The following SIPA1L1 variants were observed in gnomAD, a reference collection of about 807,000 sequenced individuals.
The protein encoded by SIPA1L1 is signal induced proliferation associated 1 like 1, also known as signal-induced proliferation-associated 1-like protein 1.
A neutral mutation model predicts 162.7 loss-of-function variants in SIPA1L1; 26 were observed. The observed-to-expected ratio is 0.16, with a 90% confidence interval of 0.12 to 0.22. The LOEUF (loss-of-function observed/expected upper bound fraction) is 0.22, where lower values mean the gene tolerates loss of function less well. Among genes scored for constraint, SIPA1L1 ranks in the 10% least tolerant of loss-of-function variants. The pLI is 1.00. For missense variants in SIPA1L1, 1,874 were observed against 2,241.0 expected (o/e 0.84, Z 3.31); for synonymous variants, 829 against 837.4 (o/e 0.99, Z 0.17).
chr14:71,399,335 G>A lies in SIPA1L1; in HGVS notation c.-465+78154G>A, dbSNP rs184149768. 1.6e-3 allele frequency among the ~76,000 whole-genome samples: 244 copies of A among 152,332 alleles called. 1 individual carries two copies. Among genetic ancestry groups the A allele is most frequent in the Non-Finnish European group, 2.8e-3 (191 of 68,034 alleles). ...TTTCCACGTAGTGTCTTTTGCCTAT[G>A]TAGTCAAAAGCACCATACAAATGTG... On this transcript the variant is annotated intron_variant, in intron 2 of 23. Coordinates refer to ENST00000381232, the MANE Select transcript of SIPA1L1 (RefSeq NM_001386936.1).
intron 13 of SIPA1L1, among the ~76,000 whole-genome samples, chr14:71,696,602 A>G (rs968457225): frequency 1.3e-5 from 2 of 152,226 alleles, no homozygotes; most frequent in Non-Finnish European, 2.9e-5. Context: ...TGACATAACT[A>G]TGGTACTTGT....
intron 10 of SIPA1L1, among the ~76,000 whole-genome samples, chr14:71,669,662 T>C (rs1321709529): frequency 6.6e-6 from 1 of 152,156 alleles, no homozygotes; most frequent in Non-Finnish European, 1.5e-5. Context: ...CTAATACATA[T>C]TGGTATAATT....
chr14:71,737,403 CT>C (rs1270909664), intron 22 of SIPA1L1, among the ~76,000 whole-genome samples: 1 of 152,118 alleles, frequency 6.6e-6, no homozygotes, highest in Non-Finnish European at 1.5e-5. Flanking sequence ...TGGTGTGCCC[CT>C]GAGGATGTAT....
At chr14:71,731,478 G>T (rs1487475888) in intron 20 of SIPA1L1, among the ~76,000 whole-genome samples, 1 of 152,206 alleles carries the variant, frequency 6.6e-6, no homozygotes, top group Non-Finnish European at 1.5e-5. Flanking sequence ...TTCTGGTAGT[G>T]ACCTCCTGCC....
chr14:71,537,321 C>T (rs1368168542), intron 4 of SIPA1L1, among the ~76,000 whole-genome samples: 1 of 152,172 alleles, frequency 6.6e-6, no homozygotes. Flanking sequence ...CCACCTCCAC[C>T]TCTCAAGTAG....
chr14:71,701,288 C>T (rs752013511), intron 14 of SIPA1L1, among the ~76,000 whole-genome samples: 235 of 152,144 alleles, frequency 1.5e-3, no homozygotes, highest in Admixed American at 2.9e-3. Context: ...AAGAAGACAC[C>T]CCACAAGCAT....
At chr14:71,491,183 T>C (rs1475769190) in intron 2 of SIPA1L1, among the ~76,000 whole-genome samples, 1 of 152,208 alleles carries the variant, frequency 6.6e-6, no homozygotes, top group Admixed American at 6.5e-5. Flanking sequence ...TTCAAGAGTC[T>C]CTTTAATTTC....
rs1249032748 is a variant in SIPA1L1 at position 71,427,959 on chromosome 14, A to G, written c.-464-84784A>G. On this transcript the variant is annotated intron_variant, in intron 2 of 23. Coordinates refer to ENST00000381232, the MANE Select transcript of SIPA1L1 (RefSeq NM_001386936.1). ...TATTTTCCTGTTTGTGTTTCTTGTGATTTTGTTGTTGTTGTTGAAAACTGG... is the reference window on the plus strand; with the variant it reads ...TATTTTCCTGTTTGTGTTTCTTGTGGTTTTGTTGTTGTTGTTGAAAACTGG... 8.0e-5 allele frequency among the ~76,000 whole-genome samples: 12 copies of G among 150,430 alleles called. No individual in the cohort carries two copies. The East Asian group carries it at 2.3e-3, about 29-fold the overall frequency.
At chr14:71,606,929 A>C (rs1487039759) in intron 5 of SIPA1L1, among the ~76,000 whole-genome samples, 1 of 151,750 alleles carries the variant, frequency 6.6e-6, no homozygotes, top group Non-Finnish European at 1.5e-5. Context: ...CAGAAGAAAA[A>C]AATAAAAACA....
chr14:71,325,812 G>A lies in SIPA1L1; in HGVS notation c.-465+4631G>A, dbSNP rs7160988. Among the ~76,000 whole-genome samples the A allele has an allele frequency of 8.8e-3, 1,344 of 152,226 alleles. 23 individuals are homozygous for A. The highest frequency in any genetic ancestry group is 0.031 in the African/African-American group (1,304 of 41,540). Reference sequence around the variant, plus strand: ...TTTCCAATTTGTTGCTTGTCATGTTGCACTAAGTTCTCCCTCTAATTAGGA... The same window carrying A: ...TTTCCAATTTGTTGCTTGTCATGTTACACTAAGTTCTCCCTCTAATTAGGA... On this transcript the variant is annotated intron_variant, in intron 2 of 23. Transcript: ENST00000381232.
chr14:71,603,526 ATGGC>A (rs1460421619), intron 5 of SIPA1L1, among the ~76,000 whole-genome samples: 24 of 152,038 alleles, frequency 1.6e-4, no homozygotes, highest in Non-Finnish European at 3.5e-4. Flanking sequence ...TGGTGTGATC[ATGGC>A]CTACTGCAGC....
rs552727128 is a variant in SIPA1L1 at position 71,424,214 on chromosome 14, C to T, written c.-464-88529C>T. On this transcript the variant is annotated intron_variant, in intron 2 of 23. Transcript: ENST00000381232. ...GTTTTCCACATGTAAGATTATATCACCTGTGGACAGAAGTAATTTTACTTC... is the reference window on the plus strand; with the variant it reads ...GTTTTCCACATGTAAGATTATATCATCTGTGGACAGAAGTAATTTTACTTC... Among the ~76,000 whole-genome samples the T allele has an allele frequency of 2.8e-4, 43 of 152,118 alleles. 1 individual carries two copies. Among genetic ancestry groups the T allele is most frequent in the Non-Finnish European group, 4.6e-4 (31 of 67,924 alleles).
chr14:71,663,936 G>C (rs1364207505), intron 10 of SIPA1L1, among the ~76,000 whole-genome samples: 1 of 152,180 alleles, frequency 6.6e-6, no homozygotes, highest in Non-Finnish European at 1.5e-5. Context: ...GAAATCACAA[G>C]AGATTATAGA....
intron 4 of SIPA1L1, among the ~76,000 whole-genome samples, chr14:71,530,081 T>C (rs1330423733): frequency 1.3e-5 from 2 of 152,236 alleles, no homozygotes; most frequent in Non-Finnish European, 2.9e-5. Flanking sequence ...ACATTTCCTT[T>C]TTATTTAAGC....
intron 2 of SIPA1L1, among the ~76,000 whole-genome samples, chr14:71,406,152 G>A (rs1044254242): frequency 6.6e-6 from 1 of 152,214 alleles, no homozygotes; most frequent in Non-Finnish European, 1.5e-5. Flanking sequence ...GATGTGGGGT[G>A]TGAAAGAAGA....
intron 10 of SIPA1L1, among the ~76,000 whole-genome samples, chr14:71,662,598 C>G (rs1270414707): frequency 6.6e-6 from 1 of 152,156 alleles, no homozygotes; most frequent in African/African-American, 2.4e-5. Context: ...GTCTCTTAAC[C>G]ACGCTGCTAT....
chr14:71,730,241 C>T lies in SIPA1L1; in HGVS notation c.4801C>T (p.Leu1601Phe), dbSNP rs776503338. The stretch of plus-strand genomic sequence containing the variant: ...CCTCTTCAGTAGCACGTACCCTTCT[C>T]TCCCCAAGTCGCTCCCGTTGAGGAG... The part of the protein sequence containing the change: ...DVLFSSTYPS[L>F]PKSLPLRRPS... The change falls in exon 20 of 24, where the codon CTC (leucine) becomes TTC (phenylalanine). Residue 1601 changes from leucine (L) to phenylalanine (F), a missense_variant. This residue lies in a region of SIPA1L1 where 936 missense variants were observed against 1,051.9 expected (regional missense o/e 0.89). Transcript: ENST00000381232. The T allele has an allele frequency of 1.2e-6, 2 of 1,614,056 alleles. No individual in the cohort carries two copies. The highest frequency in any genetic ancestry group is 1.7e-6 in the Non-Finnish European group (2 of 1,180,028).
intron 4 of SIPA1L1, among the ~76,000 whole-genome samples, chr14:71,539,437 T>A (rs1311821717): frequency 6.6e-6 from 1 of 152,248 alleles, no homozygotes; most frequent in East Asian, 1.9e-4. Flanking sequence ...GAAAACTATT[T>A]GCACATTGAA....
At chr14:71,461,451 G>A (rs1468290100) in intron 2 of SIPA1L1, among the ~76,000 whole-genome samples, 2 of 152,110 alleles carry the variant, frequency 1.3e-5, no homozygotes, top group Admixed American at 1.3e-4. Context: ...TCCACAGAAT[G>A]GGTCATTCCA....
Sources: allele counts gnomAD v4.1 joint callset (sites outside exome capture counted in the v4.1 genomes callset), GRCh38; gene constraint gnomAD v4.1.1; regional missense constraint gnomAD v4.1.1; transcripts MANE v1.5; gene names NCBI Gene and HGNC (gene_info 2026-07-23, HGNC 2026-07-21).